Variants in PIP4K2B observed in about 807,000 individuals in gnomAD.
PIP4K2B encodes phosphatidylinositol-5-phosphate 4-kinase type 2 beta.
A neutral mutation model predicts 42.0 loss-of-function variants in PIP4K2B; 3 were observed. That is an observed-to-expected ratio of 0.07 (90% CI 0.03 to 0.18). The LOEUF is 0.18. Ranked by LOEUF, PIP4K2B falls within the 10% of genes least tolerant of loss-of-function variation. PIP4K2B has a pLI of 1.00. For synonymous variants in PIP4K2B, 204 were observed against 210.1 expected (o/e 0.97, Z 0.25); for missense variants, 332 against 562.3 (o/e 0.59, Z 4.14).
chr17:38,793,112 A>G (rs1191516758), intron 1 of PIP4K2B, among the ~76,000 whole-genome samples: 1 of 152,004 alleles, frequency 6.6e-6, no homozygotes, highest in East Asian at 1.9e-4. Context: ...TATTTTTAGT[A>G]GAGACAGGGT....
At chr17:38,780,650 A>G in intron 3 of PIP4K2B, 46 bp from the exon 4 acceptor site, 1 of 1,586,544 alleles carries the variant, frequency 6.3e-7, no homozygotes, top group African/African-American at 1.3e-5. Flanking sequence ...GGGGAACAGA[A>G]TTCTGACTTT....
intron 1 of PIP4K2B, among the ~76,000 whole-genome samples, chr17:38,798,491 C>T (rs1478542301): frequency 6.6e-6 from 1 of 152,200 alleles, no homozygotes; most frequent in Non-Finnish European, 1.5e-5. Flanking sequence ...AATCACTATG[C>T]ATCATCACAA....
chr17:38,780,954 A>G (rs539814309), intron 3 of PIP4K2B, among the ~76,000 whole-genome samples: 80 of 152,222 alleles, frequency 5.3e-4, no homozygotes, highest in Non-Finnish European at 9.0e-4. Flanking sequence ...CACACGCACT[A>G]TGACCTTGGG....
At chr17:38,784,649 G>C (rs1909908486) in intron 2 of PIP4K2B, among the ~76,000 whole-genome samples, 1 of 152,168 alleles carries the variant, frequency 6.6e-6, no homozygotes, top group Non-Finnish European at 1.5e-5. Context: ...TTCTGGAGTT[G>C]AGTCGAAAAA....
At chr17:38,778,123 A>T (rs1430994399) in intron 6 of PIP4K2B, among the ~76,000 whole-genome samples, 2 of 152,226 alleles carry the variant, frequency 1.3e-5, no homozygotes, top group African/African-American at 2.4e-5. Context: ...ACTATGAAGA[A>T]CGTAGTGAGG....
intron 7 of PIP4K2B, 24 bp downstream of exon 7, chr17:38,777,663 G>A: frequency 6.8e-7 from 1 of 1,461,486 alleles, no homozygotes; most frequent in Non-Finnish European, 9.6e-7. Flanking sequence ...AGCCTTGCAG[G>A]TGAAAATGAA....
intron 1 of PIP4K2B, among the ~76,000 whole-genome samples, chr17:38,790,787 T>C (rs1010929701): frequency 1.3e-5 from 2 of 152,178 alleles, no homozygotes; most frequent in East Asian, 3.9e-4. Context: ...TCAGCTAACA[T>C]TGGTGAACAA....
intron 3 of PIP4K2B, among the ~76,000 whole-genome samples, chr17:38,780,971 A>C (rs1266086868): frequency 6.6e-6 from 1 of 152,100 alleles, no homozygotes; most frequent in Non-Finnish European, 1.5e-5. Flanking sequence ...TGGGTGAGCC[A>C]TTTAACTTCT....
In PIP4K2B at chr17:38,780,523, G is replaced by T. The variant is rs150129751; in HGVS notation, c.436C>A (p.Arg146Ser). Residue 146 changes from arginine to serine, a missense_variant, in exon 4 of 10, where the codon CGC becomes AGC. Around this residue, in one of 6 missense-constraint regions of PIP4K2B, gnomAD observed 186 missense variants for 288.4 expected, o/e 0.64. Transcript: ENST00000619039. ...GTRFLTTYDRRFVIKTVSSED... is the reference protein window; with the variant it reads ...GTRFLTTYDRSFVIKTVSSED... ...CTGGACACAGTCTTGATGACAAAGC[G>T]CCGGTCGTAGGTGGTGAGGAAACGC... is the stretch of plus-strand genomic sequence containing the variant. 9 of 1,614,016 alleles carry T rather than the reference G, an allele frequency of 5.6e-6. No individual in the cohort carries two copies. The highest frequency in any genetic ancestry group is 7.6e-6 in the Non-Finnish European group (9 of 1,179,898).
chr17:38,775,335 C>T (rs143542075), intron 7 of PIP4K2B, among the ~76,000 whole-genome samples: 130 of 152,200 alleles, frequency 8.5e-4, no homozygotes, highest in African/African-American at 2.8e-3. Context: ...TCACCACAAC[C>T]GTGAACTCCT....
rs1470302288 is a variant in PIP4K2B, at chr17:38,778,358, G to A, written c.669C>T (p.Ala223=). 1.2e-6 allele frequency: 2 copies of A among 1,614,118 alleles called. No homozygotes were observed. Among genetic ancestry groups the A allele is most frequent in the South Asian group, 1.1e-5 (1 of 91,082 alleles). Residue 223 remains alanine (A), a synonymous_variant, in exon 6 of 10, where the codon GCC becomes GCT. Transcript: ENST00000619039. ...RKYDLKGSTV[A]REASDKEKAK... ...CCTTCTCCTTGTCGCTCGCTTCTCT[G>A]GCAACCGTAGAACCCTGAAAGGATA... is the stretch of plus-strand genomic sequence containing the variant.
At chr17:38,781,647 G>A (rs771302204) in intron 3 of PIP4K2B, among the ~76,000 whole-genome samples, 29 of 151,896 alleles carry the variant, frequency 1.9e-4, no homozygotes, top group South Asian at 4.2e-4. Context: ...CTACCAAGTA[G>A]CTGGGACTAC....
At chr17:38,783,893 G>T (rs1909848195) in intron 3 of PIP4K2B, among the ~76,000 whole-genome samples, 1 of 152,056 alleles carries the variant, frequency 6.6e-6, no homozygotes, top group Non-Finnish European at 1.5e-5. Context: ...AAGCCACCAT[G>T]CCCCACCCAG....
intron 7 of PIP4K2B, among the ~76,000 whole-genome samples, chr17:38,775,116 A>G (rs1269402909): frequency 6.6e-6 from 1 of 151,438 alleles, no homozygotes; most frequent in Non-Finnish European, 1.5e-5. Context: ...CACCTGGCTA[A>G]TTTTGTTTTT....
At chr17:38,785,488 C>A (rs1252663330) in intron 2 of PIP4K2B, among the ~76,000 whole-genome samples, 1 of 152,134 alleles carries the variant, frequency 6.6e-6, no homozygotes, top group Admixed American at 6.6e-5. Flanking sequence ...ACCAGCCTGG[C>A]CAACATGGTG....
At chr17:38,797,526 G>A (rs937605670) in intron 1 of PIP4K2B, among the ~76,000 whole-genome samples, 5 of 152,164 alleles carry the variant, frequency 3.3e-5, no homozygotes, top group African/African-American at 7.2e-5. Context: ...GACAATAAGC[G>A]ACATCTCTTG....
chr17:38,769,191 T>G lies in PIP4K2B; in HGVS notation c.*500A>C, dbSNP rs1040469036. The G allele has an allele frequency of 8.3e-5, 13 of 155,994 alleles. No individual in the cohort carries two copies. The highest frequency in any genetic ancestry group is 3.1e-4 in the African/African-American group (13 of 41,518). The allele number at this position is 155,994 out of a possible 1,614,324, so 9.7% of individuals were successfully genotyped here. A position where few individuals can be genotyped will look rare whatever the true frequency, so the allele number is the denominator to read the frequency against. On this transcript the variant is annotated 3_prime_UTR_variant, in exon 10 of 10. Transcript: ENST00000619039. ...TCTGACCTCTCCAATCTGGCATCCA[T>G]AGCACTTGGTTCTGGAAGGACCCTT...
rs773702195 is a variant in PIP4K2B, at chr17:38,780,438, G to C, written c.507+14C>G. The C allele has an allele frequency of 6.2e-7, 1 of 1,600,612 alleles. No individual in the cohort carries two copies. Reference sequence around the variant, plus strand: ...AACCCATCCTCTGCAGCCCAGGCTTGGGACTCACCATACCTGGTGGTATTT... The same window carrying C: ...AACCCATCCTCTGCAGCCCAGGCTTCGGACTCACCATACCTGGTGGTATTT... On this transcript the variant is annotated intron_variant, in intron 4 of 9. Coordinates refer to ENST00000619039, the MANE Select transcript of PIP4K2B (RefSeq NM_003559.5).
chr17:38,793,498 C>A (rs888520424), intron 1 of PIP4K2B, among the ~76,000 whole-genome samples: 5 of 152,164 alleles, frequency 3.3e-5, no homozygotes, highest in African/African-American at 1.2e-4. Flanking sequence ...CCCACCTTGG[C>A]CTCCCTAACT....
Sources: allele counts gnomAD v4.1 joint callset (sites outside exome capture counted in the v4.1 genomes callset), GRCh38; gene constraint gnomAD v4.1.1; regional missense constraint gnomAD v4.1.1; transcripts MANE v1.5; gene names NCBI Gene and HGNC (gene_info 2026-07-23, HGNC 2026-07-21).